Variants in INPP4B observed in about 807,000 individuals in gnomAD.
The protein encoded by INPP4B is inositol polyphosphate 4-phosphatase type II.
In INPP4B, 55 loss-of-function variants were observed where a neutral mutation model predicts 122.5. That is an observed-to-expected ratio of 0.45 (90% CI 0.36 to 0.56). The LOEUF is 0.56. Ranked by LOEUF, INPP4B falls within the 20% of genes least tolerant of loss-of-function variation. The pLI, the probability that INPP4B is intolerant of heterozygous loss-of-function variation, is 0.00. For missense variants in INPP4B, 1,000 were observed against 1,097.7 expected (o/e 0.91, Z 1.26); for synonymous variants, 403 against 388.7 (o/e 1.04, Z -0.43).
intron 7 of INPP4B, among the ~76,000 whole-genome samples, chr4:142,356,457 C>G (rs1245112035): frequency 6.6e-6 from 1 of 151,506 alleles, no homozygotes; most frequent in African/African-American, 2.4e-5. Flanking sequence ...AGCTTTCCAT[C>G]CAGAACTCAA....
chr4:142,842,994 C>A, intron 1 of INPP4B, among the ~76,000 whole-genome samples: 1 of 145,030 alleles, frequency 6.9e-6, no homozygotes, highest in South Asian at 2.1e-4. Flanking sequence ...ATTTCCTAAA[C>A]ATTTTAAATG....
rs763559156 is a variant in INPP4B, at chr4:142,036,318, G to A, written c.2643-7404C>T. 4.6e-5 allele frequency among the ~76,000 whole-genome samples: 7 copies of A among 152,036 alleles called. No individual in the cohort carries two copies. The South Asian group carries it at 6.2e-4, about 13-fold the overall frequency. On this transcript the variant is annotated intron_variant, in intron 25 of 25. Coordinates refer to ENST00000262992, the MANE Select transcript of INPP4B (RefSeq NM_001101669.3). ...TTCAATGTCTCCTGTTAGGAAAAAA[G>A]TATAGAATCATCTGTCAACCAATCA... is the stretch of plus-strand genomic sequence containing the variant.
chr4:142,842,646 ATAT>A (rs1263422471), intron 1 of INPP4B, among the ~76,000 whole-genome samples: 2 of 134,844 alleles, frequency 1.5e-5, no homozygotes, highest in Non-Finnish European at 3.1e-5. Flanking sequence ...CTAACATAAT[ATAT>A]TATGTTAATA....
chr4:142,370,295 C>T (rs1420844420), intron 7 of INPP4B, among the ~76,000 whole-genome samples: 1 of 152,128 alleles, frequency 6.6e-6, no homozygotes, highest in Non-Finnish European at 1.5e-5. Flanking sequence ...TCATGAAGCA[C>T]ACTAACCATT....
intron 25 of INPP4B, among the ~76,000 whole-genome samples, chr4:142,077,500 C>A (rs1293467651): frequency 6.6e-6 from 1 of 151,692 alleles, no homozygotes; most frequent in Non-Finnish European, 1.5e-5. Flanking sequence ...AAAATCCAGT[C>A]AAATTTATTA....
At chr4:142,655,864 C>T (rs1160589126) in intron 2 of INPP4B, among the ~76,000 whole-genome samples, 1 of 152,184 alleles carries the variant, frequency 6.6e-6, no homozygotes, top group Non-Finnish European at 1.5e-5. Context: ...TGTTGGTTTT[C>T]AAAAGCAGAC....
chr4:142,751,044 T>C (rs1244737981), intron 1 of INPP4B, among the ~76,000 whole-genome samples: 3 of 151,992 alleles, frequency 2.0e-5, no homozygotes, highest in African/African-American at 7.2e-5. Context: ...CTAAGTACAC[T>C]GTAGCCAAAT....
At chr4:142,054,984 T>A (rs951114832) in intron 25 of INPP4B, among the ~76,000 whole-genome samples, 2 of 152,068 alleles carry the variant, frequency 1.3e-5, no homozygotes, top group Admixed American at 6.6e-5. Flanking sequence ...TACTAAGAGA[T>A]AAGAGTGGCC....
At chr4:142,566,420 T>A (rs1731635702) in intron 2 of INPP4B, among the ~76,000 whole-genome samples, 1 of 152,134 alleles carries the variant, frequency 6.6e-6, no homozygotes, top group Non-Finnish European at 1.5e-5. Context: ...AGAGTCTTAT[T>A]TACTAAACAG....
At chr4:142,833,655 A>G (rs1427249230) in intron 1 of INPP4B, among the ~76,000 whole-genome samples, 1 of 151,942 alleles carries the variant, frequency 6.6e-6, no homozygotes, top group Non-Finnish European at 1.5e-5. Flanking sequence ...AAGACAGGGT[A>G]TTGCTATGTT....
At chr4:142,685,635 C>T (rs1405288347) in intron 2 of INPP4B, among the ~76,000 whole-genome samples, 1 of 151,974 alleles carries the variant, frequency 6.6e-6, no homozygotes, top group Non-Finnish European at 1.5e-5. Flanking sequence ...TGGCTTACAC[C>T]TGTAATCTCA....
In INPP4B at chr4:142,620,927, T is replaced by C. The variant is rs555076541; in HGVS notation, c.-191+104912A>G. 2.0e-5 allele frequency among the ~76,000 whole-genome samples: 3 copies of C among 152,070 alleles called. No individual in the cohort carries two copies. In the South Asian group the frequency reaches 6.2e-4, roughly 31 times the overall value. ...ACTGTATTCTGATTGTGTTGGTGGT[T>C]ATACAAGTCTATACATGTGTTAACA... On this transcript the variant is annotated intron_variant, in intron 2 of 25. Transcript: ENST00000262992.
At chr4:142,214,827 G>A (rs111791885) in intron 12 of INPP4B, among the ~76,000 whole-genome samples, 5,223 of 152,184 alleles carry the variant, frequency 0.034, 291 homozygotes, top group African/African-American at 0.12. Flanking sequence ...TGCTGGGATT[G>A]CAGGCGTGAG....
At chr4:142,748,003 C>G (rs1233700532) in intron 1 of INPP4B, among the ~76,000 whole-genome samples, 1 of 151,998 alleles carries the variant, frequency 6.6e-6, no homozygotes, top group Non-Finnish European at 1.5e-5. Context: ...CACATGTACC[C>G]CAGAACTTAG....
At chr4:142,523,927 G>T (rs1026125337) in intron 2 of INPP4B, among the ~76,000 whole-genome samples, 3 of 145,474 alleles carry the variant, frequency 2.1e-5, no homozygotes, top group Non-Finnish European at 4.5e-5. Flanking sequence ...TTGTTCTTGC[G>T]ATAGTTTACT....
intron 3 of INPP4B, among the ~76,000 whole-genome samples, chr4:142,448,988 T>C (rs1223790959): frequency 1.3e-5 from 2 of 152,186 alleles, no homozygotes; most frequent in East Asian, 3.8e-4. Context: ...TGGATGTACA[T>C]GCATGGATGG....
At chr4:142,069,241 A>G (rs1016398728) in intron 25 of INPP4B, among the ~76,000 whole-genome samples, 12 of 152,224 alleles carry the variant, frequency 7.9e-5, no homozygotes, top group Non-Finnish European at 1.3e-4. Flanking sequence ...TACTGGGTAC[A>G]TAACAAAATG....
At chr4:142,089,093 T>G (rs1778203775) in intron 23 of INPP4B, among the ~76,000 whole-genome samples, 1 of 152,128 alleles carries the variant, frequency 6.6e-6, no homozygotes, top group African/African-American at 2.4e-5. Context: ...AGTGTGCAGT[T>G]CAGAATGTCC....
intron 11 of INPP4B, among the ~76,000 whole-genome samples, chr4:142,245,523 T>G (rs1484981512): frequency 6.6e-6 from 1 of 152,078 alleles, no homozygotes; most frequent in East Asian, 1.9e-4. Context: ...TCGATGTTCG[T>G]CAGGGATATT....
Sources: allele counts gnomAD v4.1 joint callset (sites outside exome capture counted in the v4.1 genomes callset), GRCh38; gene constraint gnomAD v4.1.1; transcripts MANE v1.5; gene names NCBI Gene and HGNC (gene_info 2026-07-23, HGNC 2026-07-21).